The following RGS7 variants were observed in gnomAD, a reference collection of about 807,000 sequenced individuals.
RGS7 encodes the protein regulator of G-protein signaling 7.
Under a neutral mutation model 81.1 loss-of-function variants are expected in RGS7, and 27 were observed. The ratio of observed to expected loss-of-function variants is 0.33; its 90% CI spans 0.25 to 0.46. RGS7 has a LOEUF of 0.46. Among genes scored for constraint, RGS7 ranks in the 20% least tolerant of loss-of-function variants. The pLI is 1.00. For synonymous variants in RGS7, 208 were observed against 207.7 expected (o/e 1.00, Z -0.01); for missense variants, 396 against 607.4 (o/e 0.65, Z 3.66).
At chr1:241,005,576 C>G (rs1436935847) in intron 3 of RGS7, among the ~76,000 whole-genome samples, 1 of 152,176 alleles carries the variant, frequency 6.6e-6, no homozygotes. Context: ...CACACTGTCG[C>G]CCAGGCTGGA....
At chr1:241,299,309 C>T (rs2079599711) in intron 2 of RGS7, among the ~76,000 whole-genome samples, 1 of 152,194 alleles carries the variant, frequency 6.6e-6, no homozygotes, top group Non-Finnish European at 1.5e-5. Context: ...CTCCTGTTAT[C>T]ATACACTGAC....
rs548367540 is a variant in RGS7, at chr1:241,169,528, A to G, written c.79-70766T>C. The stretch of plus-strand genomic sequence containing the variant: ...CGGCTAATTTTTTTGTATTTTTAGT[A>G]GAGACGGGGTTTCACCATCTTGGCC... On this transcript the variant is annotated intron_variant, in intron 2 of 18. Transcript: ENST00000440928. Among the ~76,000 whole-genome samples the G allele has an allele frequency of 2.0e-5, 3 of 151,836 alleles. No individual in the cohort carries two copies. The South Asian group carries it at 6.3e-4, about 32-fold the overall frequency.
At chr1:241,156,340 CACAA>C (rs990380036) in intron 2 of RGS7, among the ~76,000 whole-genome samples, 12 of 151,344 alleles carry the variant, frequency 7.9e-5, no homozygotes, top group South Asian at 4.2e-4. Flanking sequence ...CTCTATGAAA[CACAA>C]ACAAACAAAA....
At position 241,044,899 on chromosome 1, in the gene RGS7, A is replaced by G. The variant is rs116476482; in HGVS notation, c.175+53767T>C. ...ATATATGTTCAAAATATAAATTATT[A>G]TAACTGATTAATTGTTTTAACTCTT... is the stretch of plus-strand genomic sequence containing the variant. On this transcript the variant is annotated intron_variant, in intron 3 of 18. Coordinates refer to ENST00000440928, the MANE Select transcript of RGS7 (RefSeq NM_001364886.1). 6.5e-3 allele frequency among the ~76,000 whole-genome samples: 988 copies of G among 152,354 alleles called. 13 individuals carry two copies. The highest frequency in any genetic ancestry group is 0.023 in the African/African-American group (946 of 41,578).
intron 9 of RGS7, among the ~76,000 whole-genome samples, chr1:240,845,114 T>C (rs756310351): frequency 5.3e-5 from 8 of 152,312 alleles, no homozygotes; most frequent in Non-Finnish European, 1.2e-4. Context: ...AGTTACAAAA[T>C]TAAAAAGCAA....
At chr1:240,833,191 C>T (rs1295314053) in intron 9 of RGS7, among the ~76,000 whole-genome samples, 2 of 152,086 alleles carry the variant, frequency 1.3e-5, no homozygotes, top group African/African-American at 4.8e-5. Flanking sequence ...CCAGGACAGT[C>T]GATCTGATAA....
At chr1:240,913,231 AT>A (rs1260016326) in intron 6 of RGS7, among the ~76,000 whole-genome samples, 1 of 152,214 alleles carries the variant, frequency 6.6e-6, no homozygotes, top group African/African-American at 2.4e-5. Context: ...AATTGTTTTT[AT>A]TTTGTATGTA....
chr1:241,082,728 C>G (rs151059430), intron 3 of RGS7, among the ~76,000 whole-genome samples: 9 of 152,170 alleles, frequency 5.9e-5, no homozygotes, highest in Admixed American at 5.2e-4. Flanking sequence ...TTGTAATGTT[C>G]CTGACACAAA....
intron 3 of RGS7, among the ~76,000 whole-genome samples, chr1:241,039,558 C>G (rs1455081330): frequency 6.9e-6 from 1 of 143,892 alleles, no homozygotes; most frequent in Admixed American, 6.8e-5. Context: ...GATCACTGAA[C>G]TCATTTCTTT....
At chr1:240,782,969 A>G (rs532514456) in intron 18 of RGS7, among the ~76,000 whole-genome samples, 1 of 152,382 alleles carries the variant, frequency 6.6e-6, no homozygotes, top group South Asian at 2.1e-4. Flanking sequence ...CTCAGAACAT[A>G]ACAAAAACTC....
chr1:241,042,835 G>T (rs1415850247), intron 3 of RGS7, among the ~76,000 whole-genome samples: 1 of 152,008 alleles, frequency 6.6e-6, no homozygotes, highest in Admixed American at 6.6e-5. Context: ...AGCTACTTGG[G>T]AGGCTGAGGC....
intron 2 of RGS7, chr1:241,305,698 T>G (rs1312357484): frequency 1.3e-5 from 2 of 157,714 alleles, no homozygotes; most frequent in Non-Finnish European, 2.8e-5. Flanking sequence ...AGGGCCTGTT[T>G]GTCCTGGGAG....
At chr1:240,866,795 GATC>G (rs1663378634) in intron 9 of RGS7, among the ~76,000 whole-genome samples, 1 of 152,166 alleles carries the variant, frequency 6.6e-6, no homozygotes, top group Non-Finnish European at 1.5e-5. Context: ...TTTGAGGTGG[GATC>G]ATGTGTCATC....
chr1:240,927,922 A>C (rs1345858559), intron 6 of RGS7, among the ~76,000 whole-genome samples: 1 of 152,210 alleles, frequency 6.6e-6, no homozygotes, highest in Non-Finnish European at 1.5e-5. Context: ...CATGTGTGGG[A>C]ACAAGAGTGA....
chr1:240,862,925 ATGTGTGTG>A (rs150023240), intron 9 of RGS7, among the ~76,000 whole-genome samples: 9 of 144,558 alleles, frequency 6.2e-5, no homozygotes, highest in African/African-American at 1.8e-4. Flanking sequence ...TAAACTAAAT[ATGTGTGTG>A]TGTGTGTGTG....
rs535169333 is a variant in RGS7, at chr1:240,813,835, C to T, written c.846-107G>A. ...AATGTGGGACCAAGGAATCCTTGTT[C>T]ACTTAAAGCATGAAATCCAATGGCA... On this transcript the variant is annotated intron_variant, in intron 12 of 18. Transcript: ENST00000440928. 45 of 738,054 alleles carry T rather than the reference C, an allele frequency of 6.1e-5. No homozygotes were observed. The South Asian group carries it at 6.3e-4, about 10-fold the overall frequency. 45.7% of individuals were successfully genotyped at this position (738,054 alleles called of 1,614,324 possible).
chr1:241,325,760 T>C (rs956313812), intron 2 of RGS7, among the ~76,000 whole-genome samples: 2 of 152,074 alleles, frequency 1.3e-5, no homozygotes, highest in Non-Finnish European at 2.9e-5. Context: ...ACTATTCTCC[T>C]TTTTTTCAGT....
chr1:241,021,226 T>C (rs2059519947), intron 3 of RGS7, among the ~76,000 whole-genome samples: 2 of 152,302 alleles, frequency 1.3e-5, no homozygotes, highest in South Asian at 2.1e-4. Context: ...GTCCTCATTC[T>C]ACTGTGAGAA....
intron 10 of RGS7, chr1:240,823,275 G>A (rs1692141040): frequency 4.7e-6 from 3 of 635,136 alleles, no homozygotes; most frequent in South Asian, 1.6e-5. Flanking sequence ...CTCCACTTCC[G>A]ACACTGGCCC....
Sources: gnomAD v4.1 joint callset for allele counts (sites outside exome capture counted in the v4.1 genomes callset) on GRCh38, gnomAD v4.1.1 for gene constraint, MANE v1.5 for transcripts, NCBI Gene and HGNC (gene_info 2026-07-23, HGNC 2026-07-21) for gene names.